Variants in VGLL3 observed in about 807,000 individuals in gnomAD.
The protein encoded by VGLL3 is transcription cofactor vestigial-like protein 3.
A neutral mutation model predicts 29.2 loss-of-function variants in VGLL3; 18 were observed. The observed-to-expected ratio is 0.62, with a 90% CI of 0.43 to 0.91. VGLL3 has a LOEUF of 0.91. Ranked by LOEUF, VGLL3 falls within the 40% of genes least tolerant of loss-of-function variation. The pLI, the probability that VGLL3 is intolerant of heterozygous loss-of-function variation, is 0.00. For synonymous variants in VGLL3, 180 were observed against 151.8 expected (o/e 1.19, Z -1.36); for missense variants, 440 against 413.2 (o/e 1.06, Z -0.56).
intron 3 of VGLL3, among the ~76,000 whole-genome samples, chr3:86,966,797 A>AG (rs1222167542): frequency 1.8e-5 from 2 of 109,476 alleles, no homozygotes; most frequent in African/African-American, 7.2e-5. Context: ...ATATATATAT[A>AG]TATATATATA....
rs2106938212 is a variant in VGLL3 at position 86,939,163 on chromosome 3, C to T, written c.*7861G>A. On this transcript the variant is annotated 3_prime_UTR_variant, in exon 4 of 4. Coordinates refer to ENST00000398399, the MANE Select transcript of VGLL3 (RefSeq NM_016206.4). ...ACCCCCACACAAATGCCAACGCAAA[C>T]ATTATGACTTGCTACTCCCAGTGAA... 6.6e-6 allele frequency: 1 copy of T among 152,306 alleles called. No individual in the cohort carries two copies. Among genetic ancestry groups the T allele is most frequent in the South Asian group, 2.1e-4 (1 of 4,830 alleles). The allele number at this position is 152,306 out of a possible 1,614,324, so 9.4% of individuals were successfully genotyped here.
intron 3 of VGLL3, among the ~76,000 whole-genome samples, chr3:86,947,899 G>T (rs949126121): frequency 5.3e-5 from 8 of 151,562 alleles, no homozygotes; most frequent in African/African-American, 1.9e-4. Context: ...TCTGATATGG[G>T]CAATTCACAT....
At chr3:86,958,374 T>A (rs1379439771) in intron 3 of VGLL3, among the ~76,000 whole-genome samples, 2 of 152,168 alleles carry the variant, frequency 1.3e-5, no homozygotes, top group African/African-American at 4.8e-5. Flanking sequence ...GAAATGGCAG[T>A]TTCTCTTACC....
chr3:86,990,539 G>A, intron 1 of VGLL3, 79 bp downstream of exon 1: 1 of 1,303,652 alleles, frequency 7.7e-7, no homozygotes. Flanking sequence ...CGTGCCGGCG[G>A]GACGTCGCCG....
At position 86,975,464 on chromosome 3, in the gene VGLL3, A is replaced by T. The variant is rs1368019278; in HGVS notation, c.403+3062T>A. 2.6e-5 allele frequency among the ~76,000 whole-genome samples: 4 copies of T among 152,304 alleles called. No homozygotes were observed. In the South Asian group the frequency reaches 8.3e-4, roughly 32 times the overall value. On this transcript the variant is annotated intron_variant, in intron 2 of 3. Coordinates refer to ENST00000398399, the MANE Select transcript of VGLL3 (RefSeq NM_016206.4). ...CCTTTGAAATTACAGAACTTTACAG[A>T]AGAAAATATTTTTACCAATTATTTA...
Position 86,978,776 on chromosome 3 carries a change from C to A in VGLL3, c.153G>T (p.Met51Ile), listed in dbSNP as rs62257350. Residue 51 changes from methionine to isoleucine, a missense_variant, in exon 2 of 4, where the codon ATG becomes ATT. By Grantham distance (10) the Met-to-Ile change is conservative (BLOSUM62 1). Transcript: ENST00000398399. ...GAAGGGTGACTTCCAGAGAGTCCTG[C>A]ATCTTGCTGAATACCGCTAACTTCT... Reference protein sequence around the residue: ...QQKKLAVFSKMQDSLEVTLPS... With the variant: ...QQKKLAVFSKIQDSLEVTLPS... 6.2e-7 allele frequency: 1 copy of A among 1,611,736 alleles called. No homozygotes were observed. Among genetic ancestry groups the A allele is most frequent in the Admixed American group, 1.7e-5 (1 of 59,914 alleles).
At chr3:86,988,163 T>G (rs1308855843) in intron 1 of VGLL3, among the ~76,000 whole-genome samples, 1 of 152,200 alleles carries the variant, frequency 6.6e-6, no homozygotes, top group Non-Finnish European at 1.5e-5. Flanking sequence ...ACTTTAATGC[T>G]GTCTTTTCTA....
intron 1 of VGLL3, among the ~76,000 whole-genome samples, chr3:86,981,348 A>G (rs1373310245): frequency 1.3e-5 from 2 of 152,078 alleles, no homozygotes; most frequent in African/African-American, 4.8e-5. Flanking sequence ...GGTTGGATAG[A>G]AATAAACTAA....
At chr3:86,965,502 AT>A (rs1210999136) in intron 3 of VGLL3, among the ~76,000 whole-genome samples, 4 of 152,162 alleles carry the variant, frequency 2.6e-5, no homozygotes, top group Non-Finnish European at 5.9e-5. Context: ...ACTTCTGTTC[AT>A]TTAAAAGGAG....
At chr3:86,972,115 T>C (rs1705114261) in intron 2 of VGLL3, among the ~76,000 whole-genome samples, 1 of 152,252 alleles carries the variant, frequency 6.6e-6, no homozygotes, top group Non-Finnish European at 1.5e-5. Flanking sequence ...TAGATGCTTA[T>C]GCAGTTTGAA....
chr3:86,976,126 G>C (rs1042100554), intron 2 of VGLL3, among the ~76,000 whole-genome samples: 1 of 151,592 alleles, frequency 6.6e-6, no homozygotes. Flanking sequence ...AAAAAAAAAA[G>C]TTCTAAAGCA....
At chr3:86,952,428 AAG>A (rs1439498204) in intron 3 of VGLL3, among the ~76,000 whole-genome samples, 2 of 152,166 alleles carry the variant, frequency 1.3e-5, no homozygotes, top group Non-Finnish European at 1.5e-5. Context: ...TGGCTCTTTT[AAG>A]TAAGTTGAAT....
At chr3:86,983,141 A>C (rs186730488) in intron 1 of VGLL3, among the ~76,000 whole-genome samples, 14 of 152,358 alleles carry the variant, frequency 9.2e-5, no homozygotes, top group African/African-American at 3.1e-4. Context: ...ATTACCGTGC[A>C]TATGTGGAAA....
intron 1 of VGLL3, among the ~76,000 whole-genome samples, chr3:86,988,430 A>G (rs1248544367): frequency 6.6e-6 from 1 of 151,736 alleles, no homozygotes; most frequent in Admixed American, 6.6e-5. Flanking sequence ...CATTAGGGCC[A>G]AGTCAATATT....
At position 86,946,749 on chromosome 3, in the gene VGLL3, G is replaced by A. The variant is rs960633537; in HGVS notation, c.*275C>T. 6.2e-6 allele frequency: 2 copies of A among 323,580 alleles called. No homozygotes were observed. The highest frequency in any genetic ancestry group is 4.3e-5 in the African/African-American group (2 of 46,790). The allele number at this position is 323,580 out of a possible 1,614,324, so 20.0% of individuals were successfully genotyped here. A position where few individuals can be genotyped will look rare whatever the true frequency, so the allele number is the denominator to read the frequency against. ...AAAATCAAAATGAAACAAAAACTTA[G>A]CTATATATTGATAAAAGCAAGATAA... On this transcript the variant is annotated 3_prime_UTR_variant, in exon 4 of 4. Coordinates refer to ENST00000398399, the MANE Select transcript of VGLL3 (RefSeq NM_016206.4).
intron 2 of VGLL3, among the ~76,000 whole-genome samples, chr3:86,969,898 G>C (rs1418449964): frequency 6.6e-6 from 1 of 152,094 alleles, no homozygotes; most frequent in Non-Finnish European, 1.5e-5. Flanking sequence ...TCCCAGTAGA[G>C]AAGAAGCCTA....
intron 3 of VGLL3, among the ~76,000 whole-genome samples, chr3:86,966,485 C>T (rs530878466): frequency 1.1e-4 from 16 of 152,024 alleles, no homozygotes; most frequent in Non-Finnish European, 2.2e-4. Flanking sequence ...TAAACCCATG[C>T]TGACAAAGGG....
At chr3:86,966,822 T>G (rs1375092749) in intron 3 of VGLL3, among the ~76,000 whole-genome samples, 1 of 100,044 alleles carries the variant, frequency 1.0e-5, no homozygotes, top group Non-Finnish European at 2.0e-5. Flanking sequence ...TATATATATA[T>G]ATAGTACCCC....
At chr3:86,956,943 T>C (rs1353403021) in intron 3 of VGLL3, among the ~76,000 whole-genome samples, 3 of 152,184 alleles carry the variant, frequency 2.0e-5, no homozygotes, top group African/African-American at 7.2e-5. Flanking sequence ...TTTGCAACTT[T>C]TAAGGATTAG....
Sources: allele counts gnomAD v4.1 joint callset (sites outside exome capture counted in the v4.1 genomes callset), GRCh38; gene constraint gnomAD v4.1.1; transcripts MANE v1.5; gene names NCBI Gene and HGNC (gene_info 2026-07-23, HGNC 2026-07-21).